ITGB8: variants seen among roughly 807,000 people sequenced by gnomAD.
ITGB8 encodes the protein integrin subunit beta 8.
In ITGB8, 30 loss-of-function variants were observed where a neutral mutation model predicts 89.5. The ratio of observed to expected loss-of-function variants is 0.34; its 90% CI spans 0.25 to 0.45. The LOEUF (loss-of-function observed/expected upper bound fraction) is 0.45. ITGB8 is among the 20% of genes least tolerant of loss of function. The probability of loss-of-function intolerance (pLI) is 1.00; values close to 1 mark genes in which losing one functional copy is unlikely to be tolerated. For synonymous variants in ITGB8, 335 were observed against 320.4 expected, an observed-to-expected ratio of 1.05 and a Z score of -0.49; for missense variants, 836 against 933.3, an observed-to-expected ratio of 0.90 and a Z score of 1.36.
chr7:20,393,094 G>A (rs751912157), intron 7 of ITGB8, among the ~76,000 whole-genome samples: 2 of 152,100 alleles, frequency 1.3e-5, no homozygotes, highest in Non-Finnish European at 2.9e-5. Flanking sequence ...ATTTGCCCAA[G>A]GGTTTCTAAC....
chr7:20,374,525 T>C (rs1583505335), intron 3 of ITGB8, among the ~76,000 whole-genome samples: 1 of 148,436 alleles, frequency 6.7e-6, no homozygotes, highest in Non-Finnish European at 1.5e-5. Context: ...CAGTCTAGAG[T>C]CTCATAATTG....
chr7:20,361,459 G>A (rs1469763841), intron 1 of ITGB8, among the ~76,000 whole-genome samples: 1 of 152,202 alleles, frequency 6.6e-6, no homozygotes, highest in African/African-American at 2.4e-5. Context: ...CCAGTGTCTT[G>A]TGAGGGACTT....
At chr7:20,392,929 G>C (rs1035578692) in intron 7 of ITGB8, among the ~76,000 whole-genome samples, 6 of 152,174 alleles carry the variant, frequency 3.9e-5, no homozygotes. Context: ...ATTAGCAATC[G>C]TAACAGCTTC....
intron 1 of ITGB8, among the ~76,000 whole-genome samples, chr7:20,341,731 T>C (rs1392161733): frequency 6.6e-6 from 1 of 152,094 alleles, no homozygotes; most frequent in Non-Finnish European, 1.5e-5. Context: ...AGTTGGCTAC[T>C]TGGGGGTCAG....
intron 5 of ITGB8, 168 bp from the exon 6 acceptor site, chr7:20,381,559 G>A (rs763664029): frequency 3.2e-4 from 173 of 533,960 alleles, no homozygotes; most frequent in Non-Finnish European, 5.2e-4. Context: ...GAAAATAGAG[G>A]ATGTACAAAT....
chr7:20,357,477 T>C (rs1352052120), intron 1 of ITGB8, among the ~76,000 whole-genome samples: 1 of 152,204 alleles, frequency 6.6e-6, no homozygotes, highest in African/African-American at 2.4e-5. Context: ...CACATGAACA[T>C]ACACGTATAT....
At chr7:20,405,175 T>C (rs964184352) in intron 11 of ITGB8, among the ~76,000 whole-genome samples, 1 of 152,002 alleles carries the variant, frequency 6.6e-6, no homozygotes, top group Non-Finnish European at 1.5e-5. Flanking sequence ...TTTCCTGATA[T>C]CAAAAGTGAG....
intron 1 of ITGB8, among the ~76,000 whole-genome samples, chr7:20,356,980 T>A (rs1277534274): frequency 6.6e-6 from 1 of 152,196 alleles, no homozygotes; most frequent in Non-Finnish European, 1.5e-5. Context: ...AAACAAAGAA[T>A]ACCTAAGTGG....
At position 20,398,970 on chromosome 7, in the gene ITGB8, C is replaced by G. The variant is rs1787198472; in HGVS notation, c.1257C>G (p.Cys419Trp). Residue 419 changes from cysteine to tryptophan, a missense_variant, in exon 9 of 14, where the codon TGC becomes TGG. Physicochemically the swap from Cys to Trp is radical, Grantham distance 215. Around this residue, in one of 5 missense-constraint regions of ITGB8, gnomAD observed 192 missense variants for 267.1 expected, o/e 0.72. Coordinates refer to ENST00000222573, the MANE Select transcript of ITGB8 (RefSeq NM_002214.3). Reference sequence around the variant, plus strand: ...CCAGAAAGCCAGGCATGGAAGGATGCAGAAACGTGACGAGCAATGATGAAG... The same window carrying G: ...CCAGAAAGCCAGGCATGGAAGGATGGAGAAACGTGACGAGCAATGATGAAG... ...DGSRKPGMEGCRNVTSNDEVL... is the reference protein window; with the variant it reads ...DGSRKPGMEGWRNVTSNDEVL... 6.2e-7 allele frequency: 1 copy of G among 1,613,276 alleles called. No homozygotes were observed. The highest frequency in any genetic ancestry group is 1.3e-5 in the African/African-American group (1 of 74,890).
At chr7:20,345,933 A>G (rs1784908491) in intron 1 of ITGB8, among the ~76,000 whole-genome samples, 1 of 152,224 alleles carries the variant, frequency 6.6e-6, no homozygotes, top group African/African-American at 2.4e-5. Flanking sequence ...GAATTGACAT[A>G]GGAGTATTGT....
At chr7:20,335,173 A>G (rs1784534535) in intron 1 of ITGB8, among the ~76,000 whole-genome samples, 1 of 152,166 alleles carries the variant, frequency 6.6e-6, no homozygotes. Context: ...ATACTACTGG[A>G]GGAGGAACAC....
At chr7:20,354,497 A>C (rs965103052) in intron 1 of ITGB8, among the ~76,000 whole-genome samples, 2 of 152,200 alleles carry the variant, frequency 1.3e-5, no homozygotes, top group Non-Finnish European at 2.9e-5. Context: ...AACAGGACGA[A>C]GTAAGATTCG....
chr7:20,331,948 TTTG>T lies in ITGB8; in HGVS notation c.127+18_127+20del. 6.2e-7 allele frequency: 1 copy of T among 1,613,438 alleles called. No homozygotes were observed. Among genetic ancestry groups the T allele is most frequent in the African/African-American group, 1.3e-5 (1 of 74,994 alleles). Reference sequence around the variant, plus strand: ...GGGCCAAGGTGGTAAGTTGTTTTGTTTTGTTTTGTTTTCTTCTCTTCCCCAAAG... The same window carrying T: ...GGGCCAAGGTGGTAAGTTGTTTTGTTTTTTGTTTTCTTCTCTTCCCCAAAG... On this transcript the variant is annotated intron_variant, in intron 1 of 13. Coordinates refer to ENST00000222573, the MANE Select transcript of ITGB8 (RefSeq NM_002214.3).
chr7:20,397,449 C>G (rs958523668), intron 8 of ITGB8, among the ~76,000 whole-genome samples: 2 of 152,194 alleles, frequency 1.3e-5, no homozygotes, highest in Non-Finnish European at 2.9e-5. Context: ...TGGTCTGGAA[C>G]TGCTGATCTC....
intron 6 of ITGB8, among the ~76,000 whole-genome samples, chr7:20,389,159 G>C (rs1015460112): frequency 1.3e-5 from 2 of 152,134 alleles, no homozygotes; most frequent in Non-Finnish European, 1.5e-5. Context: ...GGATTGCTGG[G>C]TCCAATGATA....
At chr7:20,393,787 A>G (rs528242779) in intron 7 of ITGB8, among the ~76,000 whole-genome samples, 3 of 152,166 alleles carry the variant, frequency 2.0e-5, no homozygotes, top group East Asian at 3.9e-4. Flanking sequence ...TTACTTTATT[A>G]ACTCTTACTC....
chr7:20,333,430 T>C (rs1784476170), intron 1 of ITGB8, among the ~76,000 whole-genome samples: 1 of 152,220 alleles, frequency 6.6e-6, no homozygotes, highest in African/African-American at 2.4e-5. Flanking sequence ...TTTCAATAAG[T>C]AATAAAGTGC....
intron 6 of ITGB8, among the ~76,000 whole-genome samples, chr7:20,386,243 A>T (rs1356926271): frequency 2.8e-5 from 4 of 144,766 alleles, no homozygotes; most frequent in Non-Finnish European, 3.0e-5. Flanking sequence ...CTATGAGAAC[A>T]TTTTTTTTTT....
chr7:20,405,998 G>C (rs1787525915), intron 11 of ITGB8, 64 bp from the exon 12 acceptor site: 1 of 968,382 alleles, frequency 1.0e-6, no homozygotes, highest in Non-Finnish European at 1.6e-6. Flanking sequence ...TTTTCTTGCA[G>C]AAAATATTAT....
Sources: allele counts gnomAD v4.1 joint callset (sites outside exome capture counted in the v4.1 genomes callset), GRCh38; gene constraint gnomAD v4.1.1; regional missense constraint gnomAD v4.1.1; transcripts MANE v1.5; gene names NCBI Gene and HGNC (gene_info 2026-07-23, HGNC 2026-07-21).